Variants in ZNF208 observed in about 807,000 individuals in gnomAD.
ZNF208 encodes zinc finger protein 95.
Under a neutral mutation model 12.1 loss-of-function variants are expected in ZNF208, and 10 were observed. That is an observed-to-expected ratio of 0.83 (90% CI 0.51 to 1.40). The LOEUF is 1.40. ZNF208 is among the 40% of genes most tolerant of loss of function. The probability of loss-of-function intolerance (pLI) is 0.00; values close to 1 mark genes in which losing one functional copy is unlikely to be tolerated. For missense variants in ZNF208, 1,652 were observed against 1,485.0 expected, an observed-to-expected ratio of 1.11 and a Z score of -1.85; for synonymous variants, 497 against 488.4, an observed-to-expected ratio of 1.02 and a Z score of -0.23.
At chr19:21,943,417 A>G (rs971058878) in intron 4 of ZNF208, among the ~76,000 whole-genome samples, 2 of 152,242 alleles carry the variant, frequency 1.3e-5, no homozygotes, top group Non-Finnish European at 2.9e-5. Flanking sequence ...GAAACAGACC[A>G]TTGCATGAAC....
chr19:21,964,192 GA>G (rs1189321034), downstream of ZNF208, among the ~76,000 whole-genome samples: 2 of 151,702 alleles, frequency 1.3e-5, no homozygotes, highest in Non-Finnish European at 3.0e-5. Flanking sequence ...TTGCACCAGA[GA>G]AAAATGTGGT....
chr19:21,953,049 C>T (rs564381968), intron 4 of ZNF208, among the ~76,000 whole-genome samples: 35 of 151,652 alleles, frequency 2.3e-4, no homozygotes, highest in South Asian at 6.3e-4. Context: ...TTCAGTTAAG[C>T]GGAAGAAAGG....
At chr19:22,001,047 G>A (rs1234159446) in intron 1 of ZNF208, among the ~76,000 whole-genome samples, 1 of 152,148 alleles carries the variant, frequency 6.6e-6, no homozygotes, top group Non-Finnish European at 1.5e-5. Context: ...CCAGCACTTT[G>A]GGAGGCTGAG....
At position 21,999,324 on chromosome 19, in the gene ZNF208, G is replaced by A. The variant is rs1034125116; in HGVS notation, c.4-10415C>T. Among the ~76,000 whole-genome samples, 6 of 151,974 alleles carry A rather than the reference G, an allele frequency of 3.9e-5. No individual in the cohort carries two copies. In the East Asian group the frequency reaches 7.7e-4, roughly 19 times the overall value. On this transcript the variant is annotated intron_variant, in intron 1 of 3. Coordinates refer to ENST00000397126, the MANE Select transcript of ZNF208 (RefSeq NM_007153.3). ...TAAGGAATTCAATCTAAGTAAATAC[G>A]TGGCCTTAAATTCATACTATTGTAG... is the stretch of plus-strand genomic sequence containing the variant.
intron 1 of ZNF208, chr19:21,998,331 G>A (rs1346588934): frequency 6.6e-6 from 1 of 151,258 alleles, no homozygotes; most frequent in Non-Finnish European, 1.5e-5. Flanking sequence ...ATTTTTTTTT[G>A]TATTTTTAGT....
Position 21,974,805 on chromosome 19 carries a change from T to C in ZNF208, c.229A>G (p.Ile77Val), listed in dbSNP as rs1970398675. 6.5e-7 allele frequency: 1 copy of C among 1,537,546 alleles called. No individual in the cohort carries two copies. Residue 77 changes from isoleucine to valine, a missense_variant and splice_region_variant, in exon 4 of 4, where the codon ATA (isoleucine) becomes GTA (valine). Physicochemically the swap from Ile to Val is conservative, Grantham distance 29 (BLOSUM62 3). This residue lies in a region of ZNF208 where 410 missense variants were observed against 378.2 expected (regional missense o/e 1.08). Coordinates refer to ENST00000397126, the MANE Select transcript of ZNF208 (RefSeq NM_007153.3). ...RHEMVEESPV[I>V]CSHFAQDLWP... ...AGATCTTGAGCAAAATGAGAACATA[T>C]AACTGAAAAGAAATAAAAATCACAA...
At chr19:21,955,760 G>A (rs1969964016) in intron 4 of ZNF208, among the ~76,000 whole-genome samples, 1 of 152,138 alleles carries the variant, frequency 6.6e-6, no homozygotes, top group South Asian at 2.1e-4. Context: ...CAGCTTCATT[G>A]AGATGGGTTC....
intron 3 of ZNF208, among the ~76,000 whole-genome samples, chr19:21,975,067 G>C (rs1044292019): frequency 1.9e-4 from 29 of 152,054 alleles, no homozygotes; most frequent in African/African-American, 6.8e-4. Context: ...AAAAAGAAAA[G>C]TTTGTTAAAT....
chr19:21,983,612 T>C (rs1221897614), intron 3 of ZNF208, among the ~76,000 whole-genome samples: 1 of 151,926 alleles, frequency 6.6e-6, no homozygotes, highest in Non-Finnish European at 1.5e-5. Context: ...CAAATGCCCA[T>C]CAGTAATATA....
intron 3 of ZNF208, among the ~76,000 whole-genome samples, chr19:21,978,896 G>A (rs1322312711): frequency 1.3e-5 from 2 of 152,178 alleles, no homozygotes; most frequent in East Asian, 1.9e-4. Context: ...GCCTGATGGA[G>A]ATGAAAAACA....
chr19:21,978,286 C>A (rs1479774449), intron 3 of ZNF208, among the ~76,000 whole-genome samples: 1 of 152,174 alleles, frequency 6.6e-6, no homozygotes, highest in Non-Finnish European at 1.5e-5. Context: ...TAAGAGACAC[C>A]TCCCAGTAGA....
In ZNF208 at chr19:21,940,483, A is replaced by T. The variant is rs114058674; in HGVS notation, c.306-7246T>A. The T allele has an allele frequency of 1.7e-3, 264 of 152,334 alleles. 1 individual carries two copies. The highest frequency in any genetic ancestry group is 6.0e-3 in the African/African-American group (249 of 41,584). The allele number at this position is 152,334 out of a possible 1,614,324, so 9.4% of individuals were successfully genotyped here. On this transcript the variant is annotated intron_variant, in intron 4 of 4. Coordinates refer to the ZNF208 transcript ENST00000599916. ...ACGTGAGAATGAAAAATGAACTCTCACTTTAGGCGAGCATAATTTGAGAGG... is the reference window on the plus strand; with the variant it reads ...ACGTGAGAATGAAAAATGAACTCTCTCTTTAGGCGAGCATAATTTGAGAGG...
intron 4 of ZNF208, chr19:21,940,696 G>A (rs1437468638): frequency 1.3e-5 from 2 of 152,348 alleles, no homozygotes; most frequent in African/African-American, 4.8e-5. Flanking sequence ...TCAGGCGTGA[G>A]GGGTGCGGCC....
At chr19:21,963,141 T>C (rs912982623), downstream of ZNF208, among the ~76,000 whole-genome samples, 5 of 152,122 alleles carry the variant, frequency 3.3e-5, no homozygotes, top group East Asian at 1.9e-4. Flanking sequence ...TTAACAATGA[T>C]GATGAAGAGC....
chr19:21,997,647 A>C lies in ZNF208; in HGVS notation c.4-8738T>G, dbSNP rs1184075324. 1.9e-5 allele frequency: 3 copies of C among 161,758 alleles called. No individual in the cohort carries two copies. The Admixed American group carries it at 2.0e-4, about 11-fold the overall frequency. The allele number at this position is 161,758 out of a possible 1,614,324, so 10.0% of individuals were successfully genotyped here. A position where few individuals can be genotyped will look rare whatever the true frequency, so the allele number is the denominator to read the frequency against. ...TGCCACAGCAGCACTCCAGTGGCAC[A>C]TCAGACAGTGAAGCCTGAGCAGCAG... On this transcript the variant is annotated intron_variant, in intron 1 of 3. Coordinates refer to ENST00000397126, the MANE Select transcript of ZNF208 (RefSeq NM_007153.3).
At position 21,974,124 on chromosome 19, in the gene ZNF208, T is replaced by C. The variant is rs777000261; in HGVS notation, c.910A>G (p.Lys304Glu). 4 of 1,607,560 alleles carry C rather than the reference T, an allele frequency of 2.5e-6. No homozygotes were observed. The highest frequency in any genetic ancestry group is 4.5e-5 in the East Asian group (2 of 44,400). The change falls in exon 4 of 4, where the codon AAG (lysine) becomes GAG (glutamate). Residue 304 changes from lysine (K) to glutamate (E), a missense_variant. Around this residue, in one of 3 missense-constraint regions of ZNF208, gnomAD observed 410 missense variants for 378.2 expected, o/e 1.08. Transcript: ENST00000397126. ...GGCTTCTCTCCAGCATGAATTGCCT[T>C]ATGTGTAGTAAGAGTCGAGACCTTA... ...FSKVSTLTTH[K>E]AIHAGEKPYK...
chr19:21,973,916 T>C lies in ZNF208; in HGVS notation c.1118A>G (p.Glu373Gly). 6.2e-7 allele frequency: 1 copy of C among 1,613,576 alleles called. No individual in the cohort carries two copies. ...HTGEKPYKCE[E>G]CGKAYKWPST... ...GGGCCACTTATAGGCTTTGCCGCAT[T>C]CTTCACATTTGTAGGGTTTCTCTCC... The change falls in exon 4 of 4, where the codon GAA becomes GGA. Residue 373 changes from glutamate to glycine, a missense_variant. This residue lies in a region of ZNF208 where 1,239 missense variants were observed against 1,086.2 expected (regional missense o/e 1.14). Coordinates refer to ENST00000397126, the MANE Select transcript of ZNF208 (RefSeq NM_007153.3).
intron 1 of ZNF208, among the ~76,000 whole-genome samples, chr19:22,002,716 G>A (rs1225096497): frequency 8.5e-5 from 13 of 152,058 alleles, no homozygotes; most frequent in Admixed American, 8.5e-4. Flanking sequence ...CAAATGGAAA[G>A]CAACTTTATG....
At chr19:21,990,848 A>G (rs1403092032) in intron 1 of ZNF208, among the ~76,000 whole-genome samples, 1 of 152,082 alleles carries the variant, frequency 6.6e-6, no homozygotes, top group Non-Finnish European at 1.5e-5. Context: ...ATTCCTAAGT[A>G]TTTTATTCTC....
Sources: allele counts gnomAD v4.1 joint callset (sites outside exome capture counted in the v4.1 genomes callset), GRCh38; gene constraint gnomAD v4.1.1; regional missense constraint gnomAD v4.1.1; transcripts MANE v1.5; gene names NCBI Gene and HGNC (gene_info 2026-07-23, HGNC 2026-07-21).